The following TOP1MT variants were observed in gnomAD, a reference collection of about 807,000 sequenced individuals.
TOP1MT encodes DNA topoisomerase I mitochondrial.
In TOP1MT, 80 loss-of-function variants were observed where a neutral mutation model predicts 73.9. The observed-to-expected ratio is 1.08, with a 90% CI of 0.90 to 1.30. The LOEUF (loss-of-function observed/expected upper bound fraction) is 1.30, where lower values mean the gene tolerates loss of function less well. TOP1MT is among the 50% of genes most tolerant of loss of function. The pLI is 0.00. For synonymous variants in TOP1MT, 338 were observed against 326.4 expected, an observed-to-expected ratio of 1.04 and a Z score of -0.38; for missense variants, 815 against 808.0, an observed-to-expected ratio of 1.01 and a Z score of -0.10.
rs1444669141 is a variant in TOP1MT at position 143,322,691 on chromosome 8, C to T, written c.961-1305G>A. ...GCCACACACGCACGCCACACACGCA[C>T]GCCACACGCACGCCACACGCACGCC... is the stretch of plus-strand genomic sequence containing the variant. On this transcript the variant is annotated intron_variant, in intron 7 of 13. Transcript: ENST00000329245. Among the ~76,000 whole-genome samples, 193 of 85,470 alleles carry T rather than the reference C, an allele frequency of 2.3e-3. 10 individuals carry two copies. Among genetic ancestry groups the T allele is most frequent in the African/African-American group, 0.013 (183 of 13,986 alleles). 56.1% of individuals were successfully genotyped at this position (85,470 alleles called of 152,430 possible).
At chr8:143,310,284 T>C in intron 12 of TOP1MT, 67 bp from the exon 13 acceptor site, 1 of 1,275,268 alleles carries the variant, frequency 7.8e-7, no homozygotes, top group East Asian at 2.6e-5. Context: ...GACCTGCACT[T>C]CTCTGGCCCT....
chr8:143,331,217 T>A lies in TOP1MT; in HGVS notation c.238+7A>T, dbSNP rs375579076. 2 of 1,598,240 alleles carry A rather than the reference T, an allele frequency of 1.3e-6. No homozygotes were observed. The highest frequency in any genetic ancestry group is 4.5e-5 in the East Asian group (2 of 44,504). On this transcript the variant is annotated splice_region_variant and intron_variant, in intron 2 of 13. Coordinates refer to ENST00000329245, the MANE Select transcript of TOP1MT (RefSeq NM_052963.3). The stretch of plus-strand genomic sequence containing the variant: ...GGCTGGGGAGGAGCCGCTCCCTGCA[T>A]CCTTACCTTCATAGAAGAAACGCAC...
At chr8:143,321,683 G>T (rs1301162597) in intron 7 of TOP1MT, among the ~76,000 whole-genome samples, 1 of 91,266 alleles carries the variant, frequency 1.1e-5, no homozygotes, top group Non-Finnish European at 2.1e-5. Flanking sequence ...ACACACGCAC[G>T]CCACGCACGC....
intron 2 of TOP1MT, among the ~76,000 whole-genome samples, chr8:143,342,989 G>T (rs999893058): frequency 7.9e-5 from 12 of 151,988 alleles, no homozygotes; most frequent in Non-Finnish European, 1.5e-4. Flanking sequence ...TCAAATTCCT[G>T]ACCTCAGGTG....
chr8:143,325,190 C>T (rs74821707), intron 5 of TOP1MT, among the ~76,000 whole-genome samples, 156 bp downstream of exon 5: 1,598 of 152,198 alleles, frequency 0.01, 34 homozygotes, highest in African/African-American at 0.036. Flanking sequence ...CGCCCTTGCC[C>T]GGCCACGCCT....
At chr8:143,347,608 C>T (rs1817248029), upstream of TOP1MT, among the ~76,000 whole-genome samples, 1 of 152,180 alleles carries the variant, frequency 6.6e-6, no homozygotes. Context: ...AAAGTAGTTA[C>T]TATTTAGTAT....
upstream of TOP1MT, among the ~76,000 whole-genome samples, chr8:143,345,289 G>A (rs1167188019): frequency 6.6e-6 from 1 of 152,242 alleles, no homozygotes; most frequent in African/African-American, 2.4e-5. Flanking sequence ...TGGCAGCCGA[G>A]GTCACCCCCA....
chr8:143,320,966 G>A (rs910870751), intron 8 of TOP1MT, among the ~76,000 whole-genome samples: 5 of 152,184 alleles, frequency 3.3e-5, no homozygotes, highest in African/African-American at 4.8e-5. Context: ...CGAAGCTGGC[G>A]TGACACACGT....
At chr8:143,331,981 G>A (rs34012614) in intron 1 of TOP1MT, among the ~76,000 whole-genome samples, 10,067 of 152,008 alleles carry the variant, frequency 0.066, 699 homozygotes, top group East Asian at 0.25. Context: ...CACTAACACA[G>A]TGAGGCTCCA....
Position 143,341,176 on chromosome 8 carries a change from C to T in TOP1MT, c.29+2044G>A, listed in dbSNP as rs915515299. Among the ~76,000 whole-genome samples, 8 of 152,242 alleles carry T rather than the reference C, an allele frequency of 5.3e-5. No individual in the cohort carries two copies. Among genetic ancestry groups the T allele is most frequent in the Non-Finnish European group, 1.0e-4 (7 of 68,036 alleles). ...TGCCGCCCCAGTGCATCTCCCCACA[C>T]GTTTGTCCTGAAGCCCTTTCTCCCC... is the stretch of plus-strand genomic sequence containing the variant. On this transcript the variant is annotated intron_variant, in intron 2 of 5. Coordinates refer to the TOP1MT transcript ENST00000518007. The surrounding 1 kb of genome is among the most constrained non-coding windows in gnomAD (Gnocchi z 4.1).
At chr8:143,328,753 C>G (rs925464697) in intron 3 of TOP1MT, among the ~76,000 whole-genome samples, 1 of 152,232 alleles carries the variant, frequency 6.6e-6, no homozygotes, top group Non-Finnish European at 1.5e-5. Context: ...ACAGAGGAAA[C>G]GCGACCCGGC....
rs138052800 is a variant in TOP1MT at position 143,317,663 on chromosome 8, C to T, written c.1330+60G>A. 6.9e-3 allele frequency: 10,094 copies of T among 1,465,940 alleles called. 55 individuals are homozygous for T. The highest frequency in any genetic ancestry group is 8.1e-3 in the Non-Finnish European group (8,729 of 1,072,226). 90.8% of individuals were successfully genotyped at this position (1,465,940 alleles called of 1,614,324 possible). ...ACTCAACAAGGGCCAGCCGGGGAGCCCGGTCTGGGGCAGGGGCCGTGCTCC... is the reference window on the plus strand; with the variant it reads ...ACTCAACAAGGGCCAGCCGGGGAGCTCGGTCTGGGGCAGGGGCCGTGCTCC... On this transcript the variant is annotated intron_variant, in intron 10 of 13. Coordinates refer to ENST00000329245, the MANE Select transcript of TOP1MT (RefSeq NM_052963.3).
chr8:143,332,343 A>T lies in TOP1MT; in HGVS notation c.123-1004T>A. On this transcript the variant is annotated intron_variant, in intron 1 of 13. Coordinates refer to ENST00000329245, the MANE Select transcript of TOP1MT (RefSeq NM_052963.3). ...TGCGGGAAGAGCAAGTCCAGCACCC[A>T]GGATGGCCAGTGCAAAGGCCTCAGT... The T allele has an allele frequency of 5.6e-6, 3 of 534,954 alleles. No homozygotes were observed. In the Admixed American group the frequency reaches 8.1e-5, roughly 14 times the overall value. The allele number at this position is 534,954 out of a possible 1,614,324, so 33.1% of individuals were successfully genotyped here.
At position 143,325,497 on chromosome 8, in the gene TOP1MT, A is replaced by C; in HGVS notation, c.520T>G (p.Phe174Val). ...TGACCATCTAAAATACAGTAGCCGA[A>C]CTCTTGCTGAAGTTTTTCTGCCTCT... Reference protein sequence around the residue: ...KEEAEKLQQEFGYCILDGHQE... With the variant: ...KEEAEKLQQEVGYCILDGHQE... The change falls in exon 5 of 14, where the codon TTC (phenylalanine) becomes GTC (valine). Residue 174 changes from phenylalanine (F) to valine (V), a missense_variant. This residue lies in a region of TOP1MT where 751 missense variants were observed against 725.4 expected (regional missense o/e 1.04). Coordinates refer to ENST00000329245, the MANE Select transcript of TOP1MT (RefSeq NM_052963.3). 6.2e-7 allele frequency: 1 copy of C among 1,610,932 alleles called. No homozygotes were observed. The highest frequency in any genetic ancestry group is 8.5e-7 in the Non-Finnish European group (1 of 1,177,354).
At chr8:143,316,311 C>A (rs1198020530) in intron 10 of TOP1MT, among the ~76,000 whole-genome samples, 185 bp from the exon 11 acceptor site, 2 of 152,208 alleles carry the variant, frequency 1.3e-5, no homozygotes, top group Non-Finnish European at 2.9e-5. Context: ...CAGGGCCCAG[C>A]GTCTTTAACC....
chr8:143,358,770 G>A (rs1379668775), upstream of TOP1MT: 2 of 152,246 alleles, frequency 1.3e-5, no homozygotes, highest in South Asian at 2.1e-4. Flanking sequence ...CTGCACCTGC[G>A]GCTGGAGTGA....
intron 7 of TOP1MT, among the ~76,000 whole-genome samples, chr8:143,321,593 ACGCACGCCACACG>A (rs1222330112): frequency 1.5e-5 from 1 of 66,200 alleles, no homozygotes; most frequent in African/African-American, 1.1e-4. Context: ...CGCCACACGC[ACGCACGCCACACG>A]CACGCACGCC....
At chr8:143,339,109 G>C (rs1262833535), upstream of TOP1MT, among the ~76,000 whole-genome samples, 1 of 152,226 alleles carries the variant, frequency 6.6e-6, no homozygotes, top group African/African-American at 2.4e-5. Flanking sequence ...GCTATGCAGG[G>C]ACTGCCCAGG....
At position 143,333,818 on chromosome 8, in the gene TOP1MT, A is replaced by C. The variant is rs188204673; in HGVS notation, c.122+922T>G. 2.5e-3 allele frequency: 381 copies of C among 152,488 alleles called. 1 individual carries two copies. The highest frequency in any genetic ancestry group is 6.8e-3 in the Middle Eastern group (2 of 296). 9.4% of individuals were successfully genotyped at this position (152,488 alleles called of 1,614,324 possible). On this transcript the variant is annotated intron_variant, in intron 1 of 13. Coordinates refer to ENST00000329245, the MANE Select transcript of TOP1MT (RefSeq NM_052963.3). ...TACCTGCCTGTGCACCCTCGGAGAG[A>C]TGTGCCTCAATGCAGGGCCCACAGC...
Sources: allele counts gnomAD v4.1 joint callset (sites outside exome capture counted in the v4.1 genomes callset), GRCh38; gene constraint gnomAD v4.1.1; regional missense constraint gnomAD v4.1.1; non-coding constraint Gnocchi (gnomAD v3.1); transcripts MANE v1.5; gene names NCBI Gene and HGNC (gene_info 2026-07-23, HGNC 2026-07-21).